The following SNTG2 variants were observed in gnomAD, a reference collection of about 807,000 sequenced individuals.
The protein encoded by SNTG2 is gamma-2-syntrophin.
A neutral mutation model predicts 70.9 loss-of-function variants in SNTG2; 74 were observed. The ratio of observed to expected loss-of-function variants is 1.04; its 90% CI spans 0.86 to 1.27. The LOEUF (loss-of-function observed/expected upper bound fraction) is 1.27, where lower values mean the gene tolerates loss of function less well. SNTG2 is among the 50% of genes most tolerant of loss of function. The pLI, the probability that SNTG2 is intolerant of heterozygous loss-of-function variation, is 0.00. For missense variants in SNTG2, 717 were observed against 690.7 expected, an observed-to-expected ratio of 1.04 and a Z score of -0.43; for synonymous variants, 278 against 273.8, an observed-to-expected ratio of 1.02 and a Z score of -0.15.
chr2:1,080,365 T>A (rs1329813559), intron 1 of SNTG2, among the ~76,000 whole-genome samples: 1 of 152,188 alleles, frequency 6.6e-6, no homozygotes, highest in African/African-American at 2.4e-5. Context: ...ACTTTTACTT[T>A]GAGTTTTGGG....
At chr2:1,361,496 C>T (rs1661143196) in intron 16 of SNTG2, among the ~76,000 whole-genome samples, 1 of 152,238 alleles carries the variant, frequency 6.6e-6, no homozygotes, top group East Asian at 1.9e-4. Context: ...CAAATCTATG[C>T]AAACAAAGAG....
chr2:1,067,755 G>A (rs903151248), intron 1 of SNTG2, among the ~76,000 whole-genome samples: 43 of 152,180 alleles, frequency 2.8e-4, no homozygotes, highest in African/African-American at 1.0e-3. Flanking sequence ...TTATTTTTCA[G>A]ATGGAGAAAC....
At chr2:1,125,981 ATTTC>A (rs769447885) in intron 4 of SNTG2, among the ~76,000 whole-genome samples, 1 of 152,146 alleles carries the variant, frequency 6.6e-6, no homozygotes, top group Non-Finnish European at 1.5e-5. Context: ...AACATTTATT[ATTTC>A]TTTGTGTTGG....
intron 1 of SNTG2, among the ~76,000 whole-genome samples, chr2:1,001,794 G>A (rs563228993): frequency 3.3e-4 from 50 of 151,954 alleles, no homozygotes; most frequent in Non-Finnish European, 7.1e-4. Context: ...CTAAAAAAGA[G>A]GCTGAATAGC....
chr2:1,283,355 T>G (rs1178378095), intron 14 of SNTG2, among the ~76,000 whole-genome samples: 1 of 152,188 alleles, frequency 6.6e-6, no homozygotes, highest in Non-Finnish European at 1.5e-5. Context: ...TTGCCTCCCT[T>G]TGGCCAACAT....
intron 1 of SNTG2, among the ~76,000 whole-genome samples, chr2:1,029,720 C>T (rs895605467): frequency 2.0e-5 from 3 of 152,192 alleles, no homozygotes; most frequent in Non-Finnish European, 2.9e-5. Context: ...CTCAGTGCTC[C>T]TGTGCCATCT....
At chr2:1,136,648 A>C (rs1168637107) in intron 4 of SNTG2, among the ~76,000 whole-genome samples, 2 of 152,214 alleles carry the variant, frequency 1.3e-5, no homozygotes, top group Admixed American at 6.5e-5. Context: ...ACAGGTTATT[A>C]CTTGTTTTCC....
intron 14 of SNTG2, among the ~76,000 whole-genome samples, chr2:1,292,663 T>C (rs932980085): frequency 6.6e-6 from 1 of 152,230 alleles, no homozygotes; most frequent in Non-Finnish European, 1.5e-5. Flanking sequence ...GATTTTTCTA[T>C]GTCAAACCAT....
intron 2 of SNTG2, among the ~76,000 whole-genome samples, chr2:1,093,780 G>A (rs1334324360): frequency 6.6e-6 from 1 of 152,244 alleles, no homozygotes; most frequent in African/African-American, 2.4e-5. Flanking sequence ...AGGCAGCTTG[G>A]GCTCCACCGT....
intron 1 of SNTG2, among the ~76,000 whole-genome samples, chr2:981,132 TCTATTGTAGCTTTG>T (rs763340705): frequency 3.3e-5 from 5 of 152,164 alleles, no homozygotes; most frequent in African/African-American, 4.8e-5. Context: ...TCAGACTCAT[TCTATTGTAGCTTTG>T]CTTTTCATGA....
chr2:1,307,537 G>A (rs868331645), intron 14 of SNTG2, among the ~76,000 whole-genome samples: 1 of 151,908 alleles, frequency 6.6e-6, no homozygotes, highest in African/African-American at 2.4e-5. Flanking sequence ...CAAGAGTAAC[G>A]TGTTTGGATG....
At chr2:1,180,806 T>G (rs1364126571) in intron 8 of SNTG2, among the ~76,000 whole-genome samples, 1 of 151,958 alleles carries the variant, frequency 6.6e-6, no homozygotes, top group Non-Finnish European at 1.5e-5. Context: ...TAGCGAAGAC[T>G]TGGAACCAAC....
intron 1 of SNTG2, among the ~76,000 whole-genome samples, chr2:1,000,993 C>T (rs528081564): frequency 2.0e-5 from 3 of 151,994 alleles, no homozygotes; most frequent in East Asian, 1.9e-4. Context: ...TGATTCGCCA[C>T]GTAAACAAAA....
At chr2:1,110,113 G>A (rs767746854) in intron 4 of SNTG2, among the ~76,000 whole-genome samples, 2 of 152,132 alleles carry the variant, frequency 1.3e-5, no homozygotes, top group African/African-American at 2.4e-5. Flanking sequence ...GGGAAGGAAA[G>A]GGAACACAAA....
intron 15 of SNTG2, among the ~76,000 whole-genome samples, chr2:1,310,063 A>G (rs1216161455): frequency 1.3e-5 from 2 of 152,244 alleles, no homozygotes; most frequent in Non-Finnish European, 2.9e-5. Context: ...CTTAAAGAGA[A>G]CACCTGATTT....
At chr2:1,350,025 T>A (rs1206006918) in intron 16 of SNTG2, among the ~76,000 whole-genome samples, 1 of 152,242 alleles carries the variant, frequency 6.6e-6, no homozygotes, top group African/African-American at 2.4e-5. Flanking sequence ...AAAATTTTAA[T>A]GTTTTTAAAT....
chr2:1,358,065 T>C (rs1237679602), intron 16 of SNTG2, among the ~76,000 whole-genome samples: 1 of 152,178 alleles, frequency 6.6e-6, no homozygotes, highest in East Asian at 1.9e-4. Context: ...GTTCACTTTT[T>C]TTCTGTGCCC....
chr2:1,289,967 C>T (rs1379744979), intron 14 of SNTG2, among the ~76,000 whole-genome samples: 1 of 152,194 alleles, frequency 6.6e-6, no homozygotes, highest in Non-Finnish European at 1.5e-5. Flanking sequence ...TCAGAATTTC[C>T]TTCCTTTCTA....
intron 9 of SNTG2, among the ~76,000 whole-genome samples, chr2:1,221,371 GTGTCTCTCTGCC>G (rs1674785549): frequency 6.8e-6 from 1 of 146,108 alleles, no homozygotes; most frequent in Non-Finnish European, 1.5e-5. Context: ...GCCTCTCTCT[GTGTCTCTCTGCC>G]CCTCCCTCTG....
Sources: gnomAD v4.1 joint callset for allele counts (sites outside exome capture counted in the v4.1 genomes callset) on GRCh38, gnomAD v4.1.1 for gene constraint, MANE v1.5 for transcripts, NCBI Gene and HGNC (gene_info 2026-07-23, HGNC 2026-07-21) for gene names.